CYSTM1: variants seen among roughly 807,000 people sequenced by gnomAD.
CYSTM1 encodes the protein cysteine rich transmembrane module containing 1.
A neutral mutation model predicts 13.1 loss-of-function variants in CYSTM1; 4 were observed. The ratio of observed to expected loss-of-function variants is 0.31; its 90% CI spans 0.15 to 0.70. The LOEUF (loss-of-function observed/expected upper bound fraction) is 0.70. Among genes scored for constraint, CYSTM1 ranks in the 30% least tolerant of loss-of-function variants. The probability of loss-of-function intolerance (pLI) is 0.72; values close to 1 mark genes in which losing one functional copy is unlikely to be tolerated. For missense variants in CYSTM1, 96 were observed against 121.6 expected, an observed-to-expected ratio of 0.79 and a Z score of 0.99; for synonymous variants, 36 against 42.7, an observed-to-expected ratio of 0.84 and a Z score of 0.62.
Position 140,219,836 on chromosome 5 carries a change from C to T in CYSTM1, c.188-23469C>T, listed in dbSNP as rs764576616. Among the ~76,000 whole-genome samples the T allele has an allele frequency of 1.8e-4, 27 of 152,306 alleles. No individual in the cohort carries two copies. Among genetic ancestry groups the T allele is most frequent in the Non-Finnish European group, 3.4e-4 (23 of 68,034 alleles). ...TCAATGTGAATCAGGCTAACATTGA[C>T]GATAACAGAGTAGTCTGTGCCTGCC... On this transcript the variant is annotated intron_variant, in intron 2 of 2. Transcript: ENST00000261811. The surrounding 1 kb of genome is among the most constrained non-coding windows in gnomAD (Gnocchi z 4.1).
At chr5:140,240,932 C>A (rs1045925455) in intron 2 of CYSTM1, among the ~76,000 whole-genome samples, 1 of 152,132 alleles carries the variant, frequency 6.6e-6, no homozygotes, top group Non-Finnish European at 1.5e-5. Context: ...GTGAAAAGGT[C>A]CTAAGGCTTT....
rs905893283 is a variant in CYSTM1 at position 140,230,505 on chromosome 5, A to T, written c.188-12800A>T. On this transcript the variant is annotated intron_variant, in intron 2 of 2. Coordinates refer to ENST00000261811, the MANE Select transcript of CYSTM1 (RefSeq NM_032412.4). This position sits in a 1 kb window ranked among gnomAD's most constrained non-coding sequence, Gnocchi z 4.1. ...GAAGAGGTTTGGAAAGTCCTGGGGC[A>T]TGTACAATAATCTCTTCATGCTACC... is the stretch of plus-strand genomic sequence containing the variant. Among the ~76,000 whole-genome samples the T allele has an allele frequency of 2.0e-5, 3 of 152,204 alleles. No individual in the cohort carries two copies. The highest frequency in any genetic ancestry group is 7.2e-5 in the African/African-American group (3 of 41,450).
intron 1 of CYSTM1, among the ~76,000 whole-genome samples, chr5:140,179,127 G>T (rs1232342749): frequency 1.3e-5 from 2 of 151,948 alleles, no homozygotes; most frequent in Non-Finnish European, 2.9e-5. Flanking sequence ...TGGGCATGTG[G>T]TATGTGCCTG....
At chr5:140,215,755 A>G (rs886636316) in intron 2 of CYSTM1, among the ~76,000 whole-genome samples, 7 of 152,114 alleles carry the variant, frequency 4.6e-5, no homozygotes, top group African/African-American at 1.7e-4. Flanking sequence ...ATGCTACATA[A>G]AAGTGTTGTT....
At chr5:140,180,834 A>G (rs1437497198) in intron 1 of CYSTM1, among the ~76,000 whole-genome samples, 1 of 152,082 alleles carries the variant, frequency 6.6e-6, no homozygotes, top group African/African-American at 2.4e-5. Context: ...TTTAAGGGAG[A>G]ATATTGATGG....
intron 1 of CYSTM1, among the ~76,000 whole-genome samples, chr5:140,177,075 A>AAAAACAAAAAAAAAACAAAAAC (rs1356130969): frequency 1.3e-5 from 2 of 151,108 alleles, no homozygotes; most frequent in African/African-American, 4.9e-5. Flanking sequence ...TCTCAAAAAA[A>AAAAACAAAAAAAAAACAAAAAC]AAAAAAAAAA....
chr5:140,240,193 C>T (rs1487632422), intron 2 of CYSTM1, among the ~76,000 whole-genome samples: 1 of 152,072 alleles, frequency 6.6e-6, no homozygotes, highest in Non-Finnish European at 1.5e-5. Context: ...GCTCTTTTAA[C>T]CCCTCTCCCT....
intron 2 of CYSTM1, 137 bp from the exon 3 acceptor site, chr5:140,243,168 T>C (rs1764771941): frequency 1.5e-6 from 1 of 686,734 alleles, no homozygotes; most frequent in African/African-American, 1.8e-5. Context: ...GCAGCAGCAA[T>C]GGCAGGAACA....
At chr5:140,233,288 A>G (rs1764637908) in intron 2 of CYSTM1, among the ~76,000 whole-genome samples, 1 of 152,196 alleles carries the variant, frequency 6.6e-6, no homozygotes, top group Non-Finnish European at 1.5e-5. Context: ...CCTTGCGAGC[A>G]CAATCATCAG....
At chr5:140,225,789 C>T (rs1317783857) in intron 2 of CYSTM1, among the ~76,000 whole-genome samples, 2 of 152,196 alleles carry the variant, frequency 1.3e-5, no homozygotes, top group African/African-American at 4.8e-5. Flanking sequence ...ATTTTCCTGC[C>T]GTGAATCTAC....
intron 2 of CYSTM1, among the ~76,000 whole-genome samples, chr5:140,197,367 T>C (rs1485446926): frequency 6.6e-6 from 1 of 152,250 alleles, no homozygotes; most frequent in Non-Finnish European, 1.5e-5. Flanking sequence ...CCAATCACGA[T>C]TGATTTCACA....
intron 2 of CYSTM1, among the ~76,000 whole-genome samples, chr5:140,223,924 T>A (rs922197008): frequency 6.6e-6 from 1 of 152,178 alleles, no homozygotes; most frequent in African/African-American, 2.4e-5. Flanking sequence ...GTGAGCCAGC[T>A]ATATACAGAT....
At chr5:140,179,001 G>A (rs2126651563) in intron 1 of CYSTM1, among the ~76,000 whole-genome samples, 1 of 152,126 alleles carries the variant, frequency 6.6e-6, no homozygotes, top group East Asian at 1.9e-4. Context: ...GCCCGGTGCG[G>A]TAATCCTAGC....
intron 2 of CYSTM1, among the ~76,000 whole-genome samples, chr5:140,229,435 G>C (rs755619259): frequency 6.6e-6 from 1 of 152,022 alleles, no homozygotes; most frequent in Non-Finnish European, 1.5e-5. Flanking sequence ...GAATTTAAGC[G>C]ATCCACCTGA....
intron 1 of CYSTM1, among the ~76,000 whole-genome samples, chr5:140,180,137 C>G (rs897982312): frequency 6.6e-6 from 1 of 152,110 alleles, no homozygotes; most frequent in Non-Finnish European, 1.5e-5. Context: ...AGTTATTAAG[C>G]TGGTCAGAGA....
chr5:140,226,577 TACTAA>T (rs1306984421), intron 2 of CYSTM1, among the ~76,000 whole-genome samples: 3 of 93,678 alleles, frequency 3.2e-5, no homozygotes, highest in African/African-American at 1.2e-4. Context: ...ATATATTATA[TACTAA>T]ATATTATATA....
Position 140,175,489 on chromosome 5 carries a change from C to A in CYSTM1, c.-21+204C>A, listed in dbSNP as rs1763869249. 6.6e-6 allele frequency among the ~76,000 whole-genome samples: 1 copy of A among 151,464 alleles called. No individual in the cohort carries two copies. The highest frequency in any genetic ancestry group is 2.0e-4 in the East Asian group (1 of 5,040). On this transcript the variant is annotated intron_variant, in intron 1 of 2. Transcript: ENST00000261811. The surrounding 1 kb of genome is among the most constrained non-coding windows in gnomAD (Gnocchi z 4.9). ...CTGCCGCCAGCTGGATCCCTCCCGG[C>A]GCCCCGCGGCTACTCTGGGGCTCCT... is the stretch of plus-strand genomic sequence containing the variant.
At chr5:140,218,491 A>G (rs186030764) in intron 2 of CYSTM1, among the ~76,000 whole-genome samples, 273 of 152,342 alleles carry the variant, frequency 1.8e-3, no homozygotes, top group Non-Finnish European at 2.1e-3. Context: ...GAAGAACCCA[A>G]TAAGGGAATA....
intron 2 of CYSTM1, among the ~76,000 whole-genome samples, chr5:140,215,639 C>G (rs1320295612): frequency 6.6e-6 from 1 of 151,772 alleles, no homozygotes. Flanking sequence ...AACTGCTGCC[C>G]AGAGATAGCA....
Sources: allele counts gnomAD v4.1 joint callset (sites outside exome capture counted in the v4.1 genomes callset), GRCh38; gene constraint gnomAD v4.1.1; non-coding constraint Gnocchi (gnomAD v3.1); transcripts MANE v1.5; gene names NCBI Gene and HGNC (gene_info 2026-07-23, HGNC 2026-07-21).